Variants in ZNF185 observed in about 807,000 individuals in gnomAD.
ZNF185 encodes the protein zinc finger protein 185.
In ZNF185, 56 loss-of-function variants were observed where a neutral mutation model predicts 58.6. The ratio of observed to expected loss-of-function variants is 0.95; its 90% CI spans 0.77 to 1.19. The LOEUF is 1.19. Among genes scored for constraint, ZNF185 ranks in the 50% most tolerant of loss-of-function variants. The probability of loss-of-function intolerance (pLI) is 0.00; values close to 1 mark genes in which losing one functional copy is unlikely to be tolerated. For synonymous variants in ZNF185, 230 were observed against 215.9 expected (o/e 1.07, Z -0.57); for missense variants, 627 against 573.5 (o/e 1.09, Z -0.95).
At chrX:152,922,059 C>T (rs1165014706) in intron 9 of ZNF185, 114 bp from the exon 11 acceptor site, 19 of 773,966 alleles carry the variant, frequency 2.5e-5, no homozygotes, top group South Asian at 5.0e-5. Flanking sequence ...ACCTCTTGGC[C>T]GTGATCCTGA....
intron 15 of ZNF185, among the ~76,000 whole-genome samples, chrX:152,944,068 G>A (rs5924776): frequency 0.21 from 23,322 of 112,496 alleles, 2,091 homozygotes; most frequent in South Asian, 0.38. Context: ...CACAGTTACT[G>A]TGTGGCGTCA....
chrX:152,898,124 C>G, the ZNF185 span, among the ~76,000 whole-genome samples: 1 of 109,345 alleles, frequency 9.1e-6, no homozygotes, highest in Non-Finnish European at 1.9e-5. Context: ...CCCCGCGCCC[C>G]GCGCCTGCCT....
chrX:152,905,939 C>T, the ZNF185 span, among the ~76,000 whole-genome samples: 2 of 112,260 alleles, frequency 1.8e-5, no homozygotes, highest in African/African-American at 6.5e-5. Flanking sequence ...GCTTGGGCAG[C>T]CTGGAGCCTT....
chrX:152,908,870 C>T, the ZNF185 span, among the ~76,000 whole-genome samples: 1 of 113,535 alleles, frequency 8.8e-6, no homozygotes, highest in Non-Finnish European at 1.9e-5. Flanking sequence ...GGGCTGCACA[C>T]GGTACTGCTG....
chrX:152,917,259 C>G, intron 4 of ZNF185, 26 bp from the exon 6 acceptor site: 1 of 1,211,199 alleles, frequency 8.3e-7, no homozygotes, highest in African/African-American at 1.7e-5. Flanking sequence ...AGGGAGCTCA[C>G]CGGCATCTCC....
exon 23 of ZNF185, chrX:152,973,408 TTA>T (rs2050758036): frequency 8.9e-6 from 1 of 112,791 alleles, no homozygotes; most frequent in African/African-American, 3.2e-5. Context: ...TTTCAATTGC[TTA>T]GTGTTTCTAA....
chrX:152,919,128 C>G, intron 7 of ZNF185, 47 bp downstream of exon 8: 1 of 1,019,919 alleles, frequency 9.8e-7, no homozygotes, highest in Non-Finnish European at 1.4e-6. Context: ...AGGGCAGGAG[C>G]CTGAGTCTTC....
At chrX:152,933,725 T>C (rs1788325937) in intron 14 of ZNF185, among the ~76,000 whole-genome samples, 2 of 112,626 alleles carry the variant, frequency 1.8e-5, no homozygotes, top group African/African-American at 6.5e-5. Flanking sequence ...GCAAAGCCAG[T>C]GTCTGCAAAG....
At chrX:152,918,007 C>T (rs1938870136) in intron 5 of ZNF185, 58 bp from the exon 7 acceptor site, 2 of 1,165,205 alleles carry the variant, frequency 1.7e-6, no homozygotes. Flanking sequence ...GCTGTGTGGC[C>T]AAATCTGGAG....
In ZNF185 at chrX:152,934,800, C is replaced by G. The variant is rs782480220; in HGVS notation, c.1121+1829C>G. On this transcript the variant is annotated intron_variant, in intron 14 of 22. Transcript: ENST00000449285. ...GCCATCCTATTTTAATTATTTTTCC[C>G]ACATCTCATCTCATCCTCTCCTCTC... Among the ~76,000 whole-genome samples, 16 of 110,813 alleles carry G rather than the reference C, an allele frequency of 1.4e-4. No individual in the cohort carries two copies. In the South Asian group the frequency reaches 2.6e-3, roughly 18 times the overall value.
chrX:152,940,271 G>A (rs1295937704), intron 15 of ZNF185, among the ~76,000 whole-genome samples: 2 of 110,689 alleles, frequency 1.8e-5, no homozygotes, highest in African/African-American at 6.6e-5. Flanking sequence ...TGTGCCCAGG[G>A]TGGTTCACTT....
exon 9 of ZNF185, chrX:152,920,739 T>C: frequency 2.5e-6 from 3 of 1,211,837 alleles, no homozygotes; most frequent in Non-Finnish European, 3.4e-6. Context: ...GCACCGTTTA[T>C]CGCGAAGAGG....
At chrX:152,963,340 A>G (rs1479234530) in intron 17 of ZNF185, among the ~76,000 whole-genome samples, 1 of 112,883 alleles carries the variant, frequency 8.9e-6, no homozygotes, top group Non-Finnish European at 1.9e-5. Flanking sequence ...TCTGCTGGGA[A>G]TGAGGTGCAT....
intron 14 of ZNF185, among the ~76,000 whole-genome samples, chrX:152,935,638 C>T (rs1299271049): frequency 8.9e-6 from 1 of 112,456 alleles, no homozygotes; most frequent in Non-Finnish European, 1.9e-5. Flanking sequence ...GATTCTTCTC[C>T]ATTAGTGGCA....
At chrX:152,958,798 C>A (rs922969817) in intron 16 of ZNF185, among the ~76,000 whole-genome samples, 24 of 111,339 alleles carry the variant, frequency 2.2e-4, no homozygotes, top group African/African-American at 7.8e-4. Context: ...ATGACTACTT[C>A]CAATAAAGAA....
At chrX:152,922,175 T>C in exon 10 of ZNF185, 1 of 1,192,702 alleles carries the variant, frequency 8.4e-7, no homozygotes, top group Non-Finnish European at 1.1e-6. Flanking sequence ...GCTCAAAGGG[T>C]GGAGGTGGTG....
At chrX:152,904,641 G>T in the ZNF185 span, among the ~76,000 whole-genome samples, 3 of 112,574 alleles carry the variant, frequency 2.7e-5, no homozygotes, top group African/African-American at 9.7e-5. Flanking sequence ...GAGAAAGGAC[G>T]GGGTGAGGGC....
At chrX:152,917,260 C>A (rs945092226) in intron 4 of ZNF185, 25 bp from the exon 6 acceptor site, 2 of 1,209,456 alleles carry the variant, frequency 1.7e-6, no homozygotes, top group African/African-American at 3.5e-5. Flanking sequence ...GGGAGCTCAC[C>A]GGCATCTCCT....
intron 16 of ZNF185, among the ~76,000 whole-genome samples, chrX:152,951,920 A>G (rs57398631): frequency 0.019 from 2,176 of 112,303 alleles, 47 homozygotes; most frequent in African/African-American, 0.067. Context: ...TTAATTCAGC[A>G]TAAGTCTAAG....
Sources: allele counts gnomAD v4.1 joint callset (sites outside exome capture counted in the v4.1 genomes callset), GRCh38; gene constraint gnomAD v4.1.1; transcripts MANE v1.5; gene names NCBI Gene and HGNC (gene_info 2026-07-23, HGNC 2026-07-21).